Variants in CTSO observed in about 807,000 individuals in gnomAD.
CTSO encodes the protein cathepsin O.
A neutral mutation model predicts 42.4 loss-of-function variants in CTSO; 40 were observed. That is an observed-to-expected ratio of 0.94 (90% CI 0.73 to 1.23). The LOEUF is 1.23. CTSO is among the 50% of genes most tolerant of loss of function. The pLI is 0.00. For synonymous variants in CTSO, 156 were observed against 146.2 expected, an observed-to-expected ratio of 1.07 and a Z score of -0.48; for missense variants, 441 against 396.0, an observed-to-expected ratio of 1.11 and a Z score of -0.96.
intron 7 of CTSO, among the ~76,000 whole-genome samples, chr4:155,928,082 C>T (rs1014424130): frequency 2.1e-4 from 32 of 151,898 alleles, no homozygotes; most frequent in Non-Finnish European, 7.4e-5. Context: ...AAGCAATTAA[C>T]CTTGGTAAAT....
intron 1 of CTSO, among the ~76,000 whole-genome samples, chr4:155,945,900 T>C (rs1380822809): frequency 6.6e-6 from 1 of 152,060 alleles, no homozygotes; most frequent in African/African-American, 2.4e-5. Flanking sequence ...AAAAAAGGAA[T>C]ATACCACACA....
rs185328098 is a variant in CTSO, at chr4:155,946,189, A to G, written c.136-2925T>C. ...AGATCATTTGTGACATCTACGAGAG[A>G]AACAATATATTGCCACTCAAGTTGG... On this transcript the variant is annotated intron_variant, in intron 1 of 7. Transcript: ENST00000433477. Among the ~76,000 whole-genome samples, 442 of 152,260 alleles carry G rather than the reference A, an allele frequency of 2.9e-3. 1 individual carries two copies. Among genetic ancestry groups the G allele is most frequent in the Middle Eastern group, 6.8e-3 (2 of 294 alleles).
intron 5 of CTSO, 22 bp downstream of exon 5, chr4:155,937,340 C>A: frequency 6.4e-7 from 1 of 1,572,344 alleles, no homozygotes; most frequent in Non-Finnish European, 8.7e-7. Context: ...TAAAGAAAAA[C>A]ATAATACAAT....
intron 4 of CTSO, 122 bp from the exon 5 acceptor site, chr4:155,937,605 C>T (rs977896192): frequency 3.7e-5 from 35 of 934,010 alleles, no homozygotes; most frequent in East Asian, 1.1e-4. Flanking sequence ...ATATACTTTG[C>T]GTTCTTTTTT....
In CTSO at chr4:155,943,263, T is replaced by C; in HGVS notation, c.137A>G (p.Glu46Gly). ...SREREAAAFR[E>G]SLNRHRYLNS... ...CAAGTATCGATGTCTATTAAGACTT[T>C]CCTAGAAGAAAAACAAAAACTATTT... The change falls in exon 2 of 8, where the codon GAA becomes GGA. Residue 46 changes from glutamate to glycine, a missense_variant and splice_region_variant. Transcript: ENST00000433477. The C allele has an allele frequency of 6.3e-7, 1 of 1,587,036 alleles. No individual in the cohort carries two copies. The highest frequency in any genetic ancestry group is 1.3e-5 in the African/African-American group (1 of 74,284).
Position 155,937,500 on chromosome 4 carries a change from A to G in CTSO, c.553-17T>C, listed in dbSNP as rs757299043. 1.9e-6 allele frequency: 3 copies of G among 1,609,770 alleles called. No individual in the cohort carries two copies. Among genetic ancestry groups the G allele is most frequent in the East Asian group, 2.2e-5 (1 of 44,818 alleles). On this transcript the variant is annotated splice_polypyrimidine_tract_variant and intron_variant, in intron 4 of 7. Transcript: ENST00000433477. ...TACTTGCATCTAAAAGAAAACAATC[A>G]CTGAACATGTTTACTGTCAATTGTT...
intron 1 of CTSO, among the ~76,000 whole-genome samples, chr4:155,953,012 G>A (rs1193930113): frequency 6.6e-6 from 1 of 151,610 alleles, no homozygotes; most frequent in Non-Finnish European, 1.5e-5. Flanking sequence ...CAGCTAACTG[G>A]TCCCTTCCAG....
chr4:155,934,848 C>A (rs532123153), intron 5 of CTSO, among the ~76,000 whole-genome samples: 1 of 152,288 alleles, frequency 6.6e-6, no homozygotes, highest in African/African-American at 2.4e-5. Context: ...GAGTTGCCTT[C>A]TCTCAGATGA....
intron 1 of CTSO, among the ~76,000 whole-genome samples, chr4:155,951,049 T>C (rs1009233251): frequency 5.3e-5 from 8 of 152,160 alleles, no homozygotes; most frequent in Non-Finnish European, 1.2e-4. Flanking sequence ...GGATCACTTG[T>C]TATAAAGATG....
chr4:155,943,064 C>A, intron 2 of CTSO, 92 bp downstream of exon 2: 3 of 769,908 alleles, frequency 3.9e-6, no homozygotes, highest in South Asian at 3.7e-5. Flanking sequence ...AACTATTACT[C>A]AATATATTAG....
At chr4:155,928,309 G>A in intron 7 of CTSO, 27 bp downstream of exon 7, 1 of 1,484,220 alleles carries the variant, frequency 6.7e-7, no homozygotes, top group Non-Finnish European at 9.4e-7. Flanking sequence ...TTTATATTGA[G>A]GTTTTAAACA....
At chr4:155,945,130 G>A (rs1355601569) in intron 1 of CTSO, among the ~76,000 whole-genome samples, 1 of 151,756 alleles carries the variant, frequency 6.6e-6, no homozygotes, top group Non-Finnish European at 1.5e-5. Flanking sequence ...GGTGGTGGGC[G>A]CCTATAATCC....
intron 1 of CTSO, among the ~76,000 whole-genome samples, chr4:155,945,388 A>C (rs1360074848): frequency 6.6e-6 from 1 of 152,230 alleles, no homozygotes; most frequent in Non-Finnish European, 1.5e-5. Flanking sequence ...ATATTTTGAC[A>C]ACTTTATGAC....
intron 3 of CTSO, among the ~76,000 whole-genome samples, chr4:155,942,024 A>G (rs1457281837): frequency 6.6e-6 from 1 of 152,078 alleles, no homozygotes. Context: ...ACTGGGAAGT[A>G]TCCCTGAGCT....
rs556727663 is a variant in CTSO at position 155,936,711 on chromosome 4, C to T, written c.674+651G>A. Among the ~76,000 whole-genome samples the T allele has an allele frequency of 3.3e-5, 5 of 152,268 alleles. No individual in the cohort carries two copies. In the South Asian group the frequency reaches 1.0e-3, roughly 32 times the overall value. On this transcript the variant is annotated intron_variant, in intron 5 of 7. Transcript: ENST00000433477. Reference sequence around the variant, plus strand: ...CAAAACTATCCAAAGTTATCCTGCCCTTCAGTTCCAACACAAGTCCTTTTC... The same window carrying T: ...CAAAACTATCCAAAGTTATCCTGCCTTTCAGTTCCAACACAAGTCCTTTTC...
At chr4:155,951,668 C>T (rs1743675850) in intron 1 of CTSO, among the ~76,000 whole-genome samples, 1 of 152,136 alleles carries the variant, frequency 6.6e-6, no homozygotes, top group South Asian at 2.1e-4. Flanking sequence ...TAATCAAGGA[C>T]TTTCTTGAAC....
At chr4:155,927,552 G>A (rs960091725) in intron 7 of CTSO, among the ~76,000 whole-genome samples, 4 of 152,106 alleles carry the variant, frequency 2.6e-5, no homozygotes, top group Non-Finnish European at 5.9e-5. Flanking sequence ...GGCAGATCAC[G>A]AGGTCAGGAG....
intron 7 of CTSO, among the ~76,000 whole-genome samples, chr4:155,926,868 T>C (rs569916341): frequency 6.6e-6 from 1 of 152,306 alleles, no homozygotes; most frequent in Non-Finnish European, 1.5e-5. Flanking sequence ...TTGAATTATG[T>C]TATTTTAACA....
chr4:155,939,514 C>G lies in CTSO; in HGVS notation c.409G>C (p.Val137Leu). ...QMCGGCWAFS[V>L]VGAVESAYAI... Reference sequence around the variant, plus strand: ...TAAGCAGATTCCACTGCCCCCACCACGCTGAAGGCCCAGCATCCTCCACAC... The same window carrying G: ...TAAGCAGATTCCACTGCCCCCACCAGGCTGAAGGCCCAGCATCCTCCACAC... The change falls in exon 4 of 8, where the codon GTG becomes CTG. Residue 137 changes from valine (V) to leucine (L), a missense_variant. Transcript: ENST00000433477. 6.2e-7 allele frequency: 1 copy of G among 1,613,854 alleles called. No individual in the cohort carries two copies. The highest frequency in any genetic ancestry group is 2.2e-5 in the East Asian group (1 of 44,878).
Sources: gnomAD v4.1 joint callset for allele counts (sites outside exome capture counted in the v4.1 genomes callset) on GRCh38, gnomAD v4.1.1 for gene constraint, MANE v1.5 for transcripts, NCBI Gene and HGNC (gene_info 2026-07-23, HGNC 2026-07-21) for gene names.